The following C16orf74 variants were observed in gnomAD, a reference collection of about 807,000 sequenced individuals.
The protein encoded by C16orf74 is calcimembrin.
C16orf74 carries 10 observed loss-of-function variants against 6.5 expected under a neutral mutation model. The observed-to-expected ratio is 1.54, with a 90% CI of 0.95 to 2.61. C16orf74 has a LOEUF of 2.61. Ranked by LOEUF, C16orf74 falls within the 30% of genes most tolerant of loss-of-function variation. C16orf74 has a pLI of 0.00. For missense variants in C16orf74, 141 were observed against 105.9 expected (o/e 1.33, Z -1.45); for synonymous variants, 60 against 42.5 (o/e 1.41, Z -1.60).
chr16:85,748,703 T>A (rs187064618), intron 1 of C16orf74, among the ~76,000 whole-genome samples: 59 of 152,296 alleles, frequency 3.9e-4, no homozygotes, highest in African/African-American at 1.4e-3. Context: ...AGAGAACAGA[T>A]TGTACATGTT....
chr16:85,723,720 C>G (rs914939163), intron 2 of C16orf74, among the ~76,000 whole-genome samples: 4 of 152,170 alleles, frequency 2.6e-5, no homozygotes, highest in African/African-American at 4.8e-5. Context: ...GATTTGGGTT[C>G]GAGGGTGGTG....
intron 2 of C16orf74, among the ~76,000 whole-genome samples, chr16:85,726,096 C>A (rs1047944702): frequency 2.0e-5 from 3 of 152,152 alleles, no homozygotes; most frequent in Non-Finnish European, 4.4e-5. Flanking sequence ...ACATGGCTAA[C>A]TCCAGTGTCG....
chr16:85,717,197 C>T (rs890861845), intron 2 of C16orf74, among the ~76,000 whole-genome samples: 4 of 152,212 alleles, frequency 2.6e-5, no homozygotes, highest in Non-Finnish European at 4.4e-5. Flanking sequence ...GTTACATAGG[C>T]GGGTGCTGGC....
intron 1 of C16orf74, among the ~76,000 whole-genome samples, chr16:85,740,673 C>T (rs1289575583): frequency 7.8e-6 from 1 of 127,962 alleles, no homozygotes; most frequent in Non-Finnish European, 1.6e-5. Flanking sequence ...GCGTGGGGCA[C>T]AGAGCGAGAC....
intron 2 of C16orf74, among the ~76,000 whole-genome samples, chr16:85,726,526 C>T (rs2054134540): frequency 6.6e-6 from 1 of 152,106 alleles, no homozygotes; most frequent in South Asian, 2.1e-4. Context: ...CCCCCAGGAT[C>T]CCCGCAGGCA....
chr16:85,711,462 A>C (rs1472923937), intron 2 of C16orf74, among the ~76,000 whole-genome samples: 2 of 148,480 alleles, frequency 1.3e-5, no homozygotes, highest in Non-Finnish European at 3.0e-5. Context: ...TGAAAATACA[A>C]AAAAAAAAAA....
intron 1 of C16orf74, 76 bp from the exon 2 acceptor site, chr16:85,735,311 C>G: frequency 9.0e-7 from 1 of 1,116,196 alleles, no homozygotes; most frequent in Non-Finnish European, 1.3e-6. Context: ...CGGGCCCCCA[C>G]CCTTGGCCCT....
intron 2 of C16orf74, among the ~76,000 whole-genome samples, chr16:85,723,946 G>A (rs997308717): frequency 2.6e-5 from 4 of 152,204 alleles, no homozygotes; most frequent in East Asian, 1.9e-4. Context: ...GTCTGCTCCC[G>A]TGCCCGGCCA....
chr16:85,714,003 A>G (rs1196599693), intron 2 of C16orf74, among the ~76,000 whole-genome samples: 1 of 152,188 alleles, frequency 6.6e-6, no homozygotes, highest in Non-Finnish European at 1.5e-5. Context: ...CTTTCAGCAA[A>G]TGAACAAACA....
At chr16:85,736,863 G>C (rs930484122) in intron 1 of C16orf74, among the ~76,000 whole-genome samples, 3 of 152,024 alleles carry the variant, frequency 2.0e-5, no homozygotes. Flanking sequence ...GGCCAACATG[G>C]TGAAACCCCA....
At chr16:85,739,961 G>C (rs920842567) in intron 1 of C16orf74, among the ~76,000 whole-genome samples, 3 of 151,968 alleles carry the variant, frequency 2.0e-5, no homozygotes, top group Non-Finnish European at 4.4e-5. Flanking sequence ...TGTAATCCCA[G>C]CACTTAGGGA....
At chr16:85,715,025 C>T (rs1395367811) in intron 2 of C16orf74, among the ~76,000 whole-genome samples, 8 of 151,598 alleles carry the variant, frequency 5.3e-5, no homozygotes, top group Non-Finnish European at 7.4e-5. Context: ...GGCACGGTGG[C>T]GGGCGCCTGT....
intron 1 of C16orf74, among the ~76,000 whole-genome samples, chr16:85,738,465 C>T (rs1321337069): frequency 2.6e-5 from 4 of 151,006 alleles, no homozygotes; most frequent in African/African-American, 9.8e-5. Flanking sequence ...GCTGGGACTA[C>T]AGGCGTGCAC....
chr16:85,736,826 C>G (rs367496), intron 1 of C16orf74, among the ~76,000 whole-genome samples: 118,325 of 152,096 alleles, frequency 0.78, 46,260 homozygotes, highest in East Asian at 0.87. Flanking sequence ...GGCCGAGGTG[C>G]GTGGATCAGG....
chr16:85,738,482 AC>A (rs1242338391), intron 1 of C16orf74, among the ~76,000 whole-genome samples: 2 of 137,510 alleles, frequency 1.5e-5, no homozygotes, highest in African/African-American at 2.8e-5. Flanking sequence ...GCACCATGAC[AC>A]CCAGCTAATT....
At chr16:85,744,355 A>G (rs1163220619) in intron 1 of C16orf74, 1 of 152,144 alleles carries the variant, frequency 6.6e-6, no homozygotes, top group Non-Finnish European at 1.5e-5. Flanking sequence ...GTTGGGCCCA[A>G]AAGAACTGCT....
intron 2 of C16orf74, among the ~76,000 whole-genome samples, chr16:85,716,130 C>A (rs1346163968): frequency 6.6e-6 from 1 of 152,120 alleles, no homozygotes; most frequent in Non-Finnish European, 1.5e-5. Flanking sequence ...AAATAAAACA[C>A]CCCACGTTTG....
chr16:85,732,653 G>A (rs1320515816), intron 2 of C16orf74, among the ~76,000 whole-genome samples: 4 of 107,540 alleles, frequency 3.7e-5, no homozygotes, highest in Non-Finnish European at 6.9e-5. Flanking sequence ...GTGACAGAGC[G>A]AGACTCTGTC....
intron 1 of C16orf74, among the ~76,000 whole-genome samples, chr16:85,742,927 T>G (rs1275045889): frequency 6.6e-6 from 1 of 152,218 alleles, no homozygotes; most frequent in East Asian, 1.9e-4. Flanking sequence ...ACCTCACTAC[T>G]GTTGTCATCC....
Sources: gnomAD v4.1 joint callset for allele counts (sites outside exome capture counted in the v4.1 genomes callset) on GRCh38, gnomAD v4.1.1 for gene constraint, MANE v1.5 for transcripts, NCBI Gene and HGNC (gene_info 2026-07-23, HGNC 2026-07-21) for gene names.